Variants in SLC12A6 observed in about 807,000 individuals in gnomAD.
SLC12A6 encodes K-Cl cotransporter 3.
In SLC12A6, 66 loss-of-function variants were observed where a neutral mutation model predicts 135.3. The ratio of observed to expected loss-of-function variants is 0.49; its 90% CI spans 0.40 to 0.60. The LOEUF (loss-of-function observed/expected upper bound fraction) is 0.60, where lower values mean the gene tolerates loss of function less well. SLC12A6 is among the 20% of genes least tolerant of loss of function. The probability of loss-of-function intolerance (pLI) is 0.00; values close to 1 mark genes in which losing one functional copy is unlikely to be tolerated. For missense variants in SLC12A6, 1,058 were observed against 1,452.3 expected (o/e 0.73, Z 4.41); for synonymous variants, 513 against 508.8 (o/e 1.01, Z -0.11).
intron 2 of SLC12A6, among the ~76,000 whole-genome samples, chr15:34,330,945 G>C (rs1430436338): frequency 6.6e-6 from 1 of 152,074 alleles, no homozygotes; most frequent in Non-Finnish European, 1.5e-5. Context: ...GGGAGGCTGA[G>C]GCAGAAGAAT....
chr15:34,232,030 A>T lies in SLC12A6; in HGVS notation c.*1851T>A, dbSNP rs1288740016. On this transcript the variant is annotated 3_prime_UTR_variant, in exon 26 of 26. Transcript: ENST00000354181. ...AAGAGTGGCACTATTTATGACTAAT[A>T]AATTGAAATTCAAAAACAGCCATGA... 1 of 152,224 alleles carries T rather than the reference A, an allele frequency of 6.6e-6. No individual in the cohort carries two copies. Among genetic ancestry groups the T allele is most frequent in the Non-Finnish European group, 1.5e-5 (1 of 68,042 alleles). 9.4% of individuals were successfully genotyped at this position (152,224 alleles called of 1,614,324 possible).
chr15:34,235,421 T>G (rs1891185614), intron 24 of SLC12A6, 107 bp from the exon 25 acceptor site: 6 of 780,862 alleles, frequency 7.7e-6, no homozygotes, highest in Non-Finnish European at 1.0e-5. Context: ...ATGGATAATC[T>G]GATAAAATGA....
intron 3 of SLC12A6, among the ~76,000 whole-genome samples, chr15:34,265,447 A>AC (rs759896657): frequency 9.9e-5 from 15 of 152,000 alleles, no homozygotes; most frequent in Non-Finnish European, 2.1e-4. Context: ...AAACAAAAAA[A>AC]CCCAAAAAGA....
chr15:34,261,003 C>T lies in SLC12A6; in HGVS notation c.334G>A (p.Ala112Thr). Residue 112 changes from alanine (A) to threonine (T), a missense_variant, in exon 4 of 26, where the codon GCT becomes ACT. By Grantham distance (58) the Ala-to-Thr change is moderately conservative (BLOSUM62 0). Coordinates refer to ENST00000354181, the MANE Select transcript of SLC12A6 (RefSeq NM_001365088.1). ...SQLLDDGHKK[A>T]RNAYLNNSNY... ...GAATTATTGAGATAAGCATTTCGAG[C>T]TTTCTTATGTCCGTCGTCTGGAAAA... 1 of 1,563,774 alleles carries T rather than the reference C, an allele frequency of 6.4e-7. No homozygotes were observed. The highest frequency in any genetic ancestry group is 8.8e-7 in the Non-Finnish European group (1 of 1,134,498).
Position 34,242,208 on chromosome 15 carries a change from T to C in SLC12A6, c.2056A>G (p.Met686Val), listed in dbSNP as rs1270438643. ...FRYYHWALSF[M>V]GMSICLALMF... is the part of the protein sequence containing the mutation. ...AGAGCCAGACAGATACTCATTCCCA[T>C]GAAAGAAAGGGCCCTAGAAAATTAA... Residue 686 changes from methionine to valine, a missense_variant, in exon 17 of 26, where the codon ATG becomes GTG. This residue lies in a region of SLC12A6 where 170 missense variants were observed against 297.6 expected (regional missense o/e 0.57). Coordinates refer to ENST00000354181, the MANE Select transcript of SLC12A6 (RefSeq NM_001365088.1). 1 of 1,599,318 alleles carries C rather than the reference T, an allele frequency of 6.3e-7. No individual in the cohort carries two copies. Among genetic ancestry groups the C allele is most frequent in the South Asian group, 1.1e-5 (1 of 90,804 alleles).
chr15:34,306,887 T>C (rs1032270405), intron 2 of SLC12A6, among the ~76,000 whole-genome samples: 1 of 152,160 alleles, frequency 6.6e-6, no homozygotes, highest in East Asian at 1.9e-4. Flanking sequence ...CTGAAAATAA[T>C]TGTTATATAA....
chr15:34,313,085 A>G (rs1474595383), intron 2 of SLC12A6, among the ~76,000 whole-genome samples: 8 of 152,160 alleles, frequency 5.3e-5, no homozygotes, highest in African/African-American at 1.9e-4. Context: ...ATAAACCCAC[A>G]TTGGCCTCTA....
At position 34,254,167 on chromosome 15, in the gene SLC12A6, G is replaced by A. The variant is rs577736534; in HGVS notation, c.1118+181C>T. ...ATGCTTAGGACATAAGAAAGAGGAT[G>A]AACGGGACATAGTTTGCTGGTAGGC... On this transcript the variant is annotated intron_variant, in intron 9 of 25. Transcript: ENST00000354181. 5.3e-5 allele frequency among the ~76,000 whole-genome samples: 8 copies of A among 152,340 alleles called. No homozygotes were observed. The South Asian group carries it at 1.7e-3, about 32-fold the overall frequency.
At chr15:34,318,709 T>C (rs1372455189) in intron 2 of SLC12A6, 1 of 1,612,974 alleles carries the variant, frequency 6.2e-7, no homozygotes, top group Admixed American at 1.7e-5. Context: ...TTGCTCTTTC[T>C]GTATTTAAAC....
upstream of SLC12A6, chr15:34,338,032 G>C (rs1475926193): frequency 6.6e-6 from 1 of 152,000 alleles, no homozygotes; most frequent in East Asian, 1.9e-4. Flanking sequence ...GCCCCGCCCA[G>C]CCGCCGCAGC....
chr15:34,238,101 G>T (rs1891395944), intron 21 of SLC12A6, 131 bp downstream of exon 21: 2 of 725,224 alleles, frequency 2.8e-6, no homozygotes, highest in Admixed American at 2.0e-5. Flanking sequence ...TCATGGGAAA[G>T]CCTAGAATAA....
intron 3 of SLC12A6, among the ~76,000 whole-genome samples, chr15:34,266,300 T>G (rs1394939917): frequency 6.6e-6 from 1 of 152,134 alleles, no homozygotes; most frequent in Non-Finnish European, 1.5e-5. Context: ...CAGATAAATT[T>G]ATGAGAAACA....
intron 21 of SLC12A6, among the ~76,000 whole-genome samples, chr15:34,237,991 C>T (rs777031233): frequency 6.6e-6 from 1 of 152,020 alleles, no homozygotes; most frequent in Non-Finnish European, 1.5e-5. Flanking sequence ...GTTGTTTTCC[C>T]CTAGGGCTCA....
chr15:34,247,408 T>G (rs1385369885), intron 13 of SLC12A6, among the ~76,000 whole-genome samples: 2 of 151,742 alleles, frequency 1.3e-5, no homozygotes, highest in African/African-American at 4.8e-5. Flanking sequence ...TCCCAGCTAC[T>G]CGGGAGGCTG....
intron 13 of SLC12A6, among the ~76,000 whole-genome samples, chr15:34,248,425 A>G (rs753326842): frequency 6.6e-6 from 1 of 152,160 alleles, no homozygotes; most frequent in Non-Finnish European, 1.5e-5. Flanking sequence ...ATAATAACCA[A>G]TAATTTTCCA....
At chr15:34,286,318 T>C (rs920244556) in intron 2 of SLC12A6, among the ~76,000 whole-genome samples, 1 of 151,626 alleles carries the variant, frequency 6.6e-6, no homozygotes, top group African/African-American at 2.4e-5. Flanking sequence ...TCAAGTGATC[T>C]GCCCACCTCA....
At position 34,233,796 on chromosome 15, in the gene SLC12A6, TG is replaced by T. The variant is rs1891076656; in HGVS notation, c.*84del. 1.2e-5 allele frequency: 9 copies of T among 771,726 alleles called. No individual in the cohort carries two copies. Among genetic ancestry groups the T allele is most frequent in the Admixed American group, 9.2e-5 (5 of 54,604 alleles). 47.8% of individuals were successfully genotyped at this position (771,726 alleles called of 1,614,324 possible). A position where few individuals can be genotyped will look rare whatever the true frequency, so the allele number is the denominator to read the frequency against. On this transcript the variant is annotated 3_prime_UTR_variant, in exon 26 of 26. Transcript: ENST00000354181. Reference sequence around the variant, plus strand: ...TACAGAACACAGGCTTCTAGTTGAGTGGGAGTGGTAGTAATGAGCTGGCACT... The same window carrying T: ...TACAGAACACAGGCTTCTAGTTGAGTGGAGTGGTAGTAATGAGCTGGCACT...
At chr15:34,245,117 A>T (rs1232420640) in intron 15 of SLC12A6, among the ~76,000 whole-genome samples, 168 bp downstream of exon 15, 1 of 152,256 alleles carries the variant, frequency 6.6e-6, no homozygotes, top group Non-Finnish European at 1.5e-5. Context: ...CTAATAACTT[A>T]CAAAAGTTAG....
intron 3 of SLC12A6, among the ~76,000 whole-genome samples, chr15:34,271,985 GT>G (rs547030369): frequency 6.6e-6 from 1 of 150,700 alleles, no homozygotes; most frequent in East Asian, 1.9e-4. Flanking sequence ...TTTTGTTTTT[GT>G]TTTTTTTGAG....
Sources: allele counts gnomAD v4.1 joint callset (sites outside exome capture counted in the v4.1 genomes callset), GRCh38; gene constraint gnomAD v4.1.1; regional missense constraint gnomAD v4.1.1; transcripts MANE v1.5; gene names NCBI Gene and HGNC (gene_info 2026-07-23, HGNC 2026-07-21).